The following GFOD1 variants were observed in gnomAD, a reference collection of about 807,000 sequenced individuals.
GFOD1 encodes the protein Gfo/Idh/MocA-like oxidoreductase domain containing 1.
A neutral mutation model predicts 25.4 loss-of-function variants in GFOD1; 9 were observed. The ratio of observed to expected loss-of-function variants is 0.35; its 90% confidence interval spans 0.21 to 0.62. The LOEUF (loss-of-function observed/expected upper bound fraction) is 0.62, where lower values mean the gene tolerates loss of function less well. Ranked by LOEUF, GFOD1 falls within the 20% of genes least tolerant of loss-of-function variation. The pLI, the probability that GFOD1 is intolerant of heterozygous loss-of-function variation, is 0.72. For missense variants in GFOD1, 403 were observed against 556.9 expected, an observed-to-expected ratio of 0.72 and a Z score of 2.78; for synonymous variants, 253 against 245.6, an observed-to-expected ratio of 1.03 and a Z score of -0.28.
rs113069027 is a variant in GFOD1, at chr6:13,383,035, T to A, written c.254-17373A>T. ...TATGGCTACATAGTATTCGAAGGTG[T>A]ATATGTACCACATTTTCTTTATCTA... On this transcript the variant is annotated intron_variant, in intron 1 of 1. Coordinates refer to ENST00000379287, the MANE Select transcript of GFOD1 (RefSeq NM_018988.4). Among the ~76,000 whole-genome samples, 153 of 152,362 alleles carry A rather than the reference T, an allele frequency of 1.0e-3. 1 individual carries two copies. The highest frequency in any genetic ancestry group is 3.5e-3 in the African/African-American group (144 of 41,572).
At chr6:13,389,864 C>T (rs965064880) in intron 1 of GFOD1, among the ~76,000 whole-genome samples, 2 of 152,138 alleles carry the variant, frequency 1.3e-5, no homozygotes, top group Non-Finnish European at 2.9e-5. Context: ...TAATCTTTGC[C>T]ATTGCCCATG....
At chr6:13,386,499 G>C (rs932187203) in intron 1 of GFOD1, among the ~76,000 whole-genome samples, 1 of 152,180 alleles carries the variant, frequency 6.6e-6, no homozygotes, top group Admixed American at 6.5e-5. Context: ...ACTTGCCTGG[G>C]CAGACAGGTG....
intron 1 of GFOD1, among the ~76,000 whole-genome samples, chr6:13,407,613 T>C (rs989345814): frequency 3.3e-5 from 5 of 152,126 alleles, no homozygotes; most frequent in Admixed American, 6.5e-5. Context: ...GCCGAGAAAA[T>C]TGCCTGAGAT....
intron 1 of GFOD1, among the ~76,000 whole-genome samples, chr6:13,375,462 AG>A (rs1785238645): frequency 6.6e-6 from 1 of 152,192 alleles, no homozygotes; most frequent in African/African-American, 2.4e-5. Flanking sequence ...TGACATCTAA[AG>A]TCTCAGGGCA....
chr6:13,400,645 T>C (rs1785823650), intron 1 of GFOD1, among the ~76,000 whole-genome samples: 1 of 152,208 alleles, frequency 6.6e-6, no homozygotes. Context: ...GAAAAATACA[T>C]AAAAGTGGGA....
At chr6:13,451,373 G>A (rs13212388) in intron 1 of GFOD1, among the ~76,000 whole-genome samples, 23,148 of 152,140 alleles carry the variant, frequency 0.15, 1,981 homozygotes, top group South Asian at 0.26. Flanking sequence ...CCCGAGCCTA[G>A]GGAGTGGCCT....
chr6:13,440,225 T>C (rs987750580), intron 1 of GFOD1, among the ~76,000 whole-genome samples: 1 of 152,160 alleles, frequency 6.6e-6, no homozygotes, highest in Non-Finnish European at 1.5e-5. Flanking sequence ...GTTTTGCTTT[T>C]GTTACCCAGG....
At chr6:13,483,545 A>G (rs1364991706) in intron 1 of GFOD1, among the ~76,000 whole-genome samples, 1 of 152,184 alleles carries the variant, frequency 6.6e-6, no homozygotes, top group Admixed American at 6.5e-5. Context: ...AGCAGTGTAG[A>G]TAGTGGCTAG....
At chr6:13,370,172 G>T (rs987598336) in intron 1 of GFOD1, among the ~76,000 whole-genome samples, 1 of 152,208 alleles carries the variant, frequency 6.6e-6, no homozygotes, top group African/African-American at 2.4e-5. Flanking sequence ...AGGTTCTGCT[G>T]ACCCTGAATC....
At position 13,358,304 on chromosome 6, in the gene GFOD1, A is replaced by G. The variant is rs1012426134; in HGVS notation, c.*6439T>C. On this transcript the variant is annotated 3_prime_UTR_variant, in exon 2 of 2. Coordinates refer to ENST00000379287, the MANE Select transcript of GFOD1 (RefSeq NM_018988.4). ...ATACATGCCTTGACTTCTTATATAT[A>G]TAAGTTTGGTTTTATACATATACAT... 6.6e-6 allele frequency: 1 copy of G among 151,752 alleles called. No individual in the cohort carries two copies. Among genetic ancestry groups the G allele is most frequent in the South Asian group, 2.1e-4 (1 of 4,828 alleles). The allele number at this position is 151,752 out of a possible 1,614,324, so 9.4% of individuals were successfully genotyped here.
intron 1 of GFOD1, among the ~76,000 whole-genome samples, chr6:13,371,690 G>C (rs1785157399): frequency 6.6e-6 from 1 of 152,250 alleles, no homozygotes; most frequent in Non-Finnish European, 1.5e-5. Context: ...CAAGTGGTGG[G>C]AGAGGTCTGG....
rs565472756 is a variant in GFOD1, at chr6:13,463,360, T to C, written c.253+23278A>G. Among the ~76,000 whole-genome samples, 103 of 152,296 alleles carry C rather than the reference T, an allele frequency of 6.8e-4. 1 individual carries two copies. The highest frequency in any genetic ancestry group is 2.2e-3 in the African/African-American group (93 of 41,560). ...TGCTGTCCATCACAGGAGCCACAAA[T>C]TAATTAAAATGAAAGACAATTTAAA... On this transcript the variant is annotated intron_variant, in intron 1 of 1. Coordinates refer to ENST00000379287, the MANE Select transcript of GFOD1 (RefSeq NM_018988.4).
intron 1 of GFOD1, among the ~76,000 whole-genome samples, chr6:13,475,361 A>G (rs1758595494): frequency 1.3e-5 from 2 of 151,512 alleles, no homozygotes; most frequent in South Asian, 4.2e-4. Context: ...ATCACTTGAG[A>G]TCAGGAGTTT....
rs1412777170 is a variant in GFOD1, at chr6:13,363,786, G to C, written c.*957C>G. On this transcript the variant is annotated 3_prime_UTR_variant, in exon 2 of 2. Transcript: ENST00000379287. ...GGCACACAGCTCTCCCCAGTCTTTG[G>C]GGGCAGCATATGAGCTTATGGCCAA... The C allele has an allele frequency of 6.6e-6, 1 of 151,950 alleles. No individual in the cohort carries two copies. The highest frequency in any genetic ancestry group is 6.6e-5 in the Admixed American group (1 of 15,256). 9.4% of individuals were successfully genotyped at this position (151,950 alleles called of 1,614,324 possible).
intron 1 of GFOD1, among the ~76,000 whole-genome samples, chr6:13,471,759 C>T (rs1032256178): frequency 1.3e-5 from 2 of 152,196 alleles, no homozygotes; most frequent in South Asian, 4.1e-4. Context: ...GACTGATTTA[C>T]CCATTGCTAT....
At chr6:13,456,324 A>G (rs1758188381) in intron 1 of GFOD1, among the ~76,000 whole-genome samples, 1 of 151,814 alleles carries the variant, frequency 6.6e-6, no homozygotes, top group Non-Finnish European at 1.5e-5. Flanking sequence ...ACAGGCATCC[A>G]CCACCACGCC....
At chr6:13,480,494 C>T (rs1333328483) in intron 1 of GFOD1, among the ~76,000 whole-genome samples, 1 of 152,192 alleles carries the variant, frequency 6.6e-6, no homozygotes, top group African/African-American at 2.4e-5. Flanking sequence ...AATTCTGAAT[C>T]TCAGGTCCCA....
chr6:13,410,760 C>T (rs945493159), intron 1 of GFOD1, among the ~76,000 whole-genome samples: 1 of 151,890 alleles, frequency 6.6e-6, no homozygotes, highest in Non-Finnish European at 1.5e-5. Context: ...GATCCCAGGA[C>T]AGACCAATAT....
chr6:13,404,628 G>C (rs1328491160), intron 1 of GFOD1, among the ~76,000 whole-genome samples: 1 of 152,160 alleles, frequency 6.6e-6, no homozygotes, highest in Non-Finnish European at 1.5e-5. Flanking sequence ...ACAGGAACTC[G>C]GTATGAGCTA....
Sources: allele counts gnomAD v4.1 joint callset (sites outside exome capture counted in the v4.1 genomes callset), GRCh38; gene constraint gnomAD v4.1.1; transcripts MANE v1.5; gene names NCBI Gene and HGNC (gene_info 2026-07-23, HGNC 2026-07-21).